Variants in GPHN observed in about 807,000 individuals in gnomAD.
GPHN encodes gephyrin.
Under a neutral mutation model 95.5 loss-of-function variants are expected in GPHN, and 17 were observed. That is an observed-to-expected ratio of 0.18 (90% confidence interval 0.12 to 0.27). The LOEUF (loss-of-function observed/expected upper bound fraction) is 0.27. Ranked by LOEUF, GPHN falls within the 10% of genes least tolerant of loss-of-function variation. GPHN has a pLI of 1.00. For synonymous variants in GPHN, 320 were observed against 322.5 expected (o/e 0.99, Z 0.08); for missense variants, 660 against 978.1 (o/e 0.67, Z 4.34).
chr14:67,237,910 T>C, the GPHN span, among the ~76,000 whole-genome samples: 1 of 152,178 alleles, frequency 6.6e-6, no homozygotes, highest in South Asian at 2.1e-4. Context: ...TTTCATTCTA[T>C]TTTGGGGGGA....
chr14:67,008,571 G>T (rs907023798), intron 9 of GPHN, among the ~76,000 whole-genome samples: 1 of 151,124 alleles, frequency 6.6e-6, no homozygotes, highest in African/African-American at 2.4e-5. Flanking sequence ...TTAAGACAGG[G>T]TTTCTCTCTG....
At chr14:67,135,560 C>T (rs944172692) in intron 17 of GPHN, among the ~76,000 whole-genome samples, 3 of 152,128 alleles carry the variant, frequency 2.0e-5, no homozygotes, top group African/African-American at 7.2e-5. Context: ...AAGTCCAAAG[C>T]CAATATTACT....
intron 3 of GPHN, among the ~76,000 whole-genome samples, chr14:66,818,399 A>G (rs1485856868): frequency 2.0e-5 from 3 of 152,140 alleles, no homozygotes; most frequent in African/African-American, 7.2e-5. Flanking sequence ...AATGGGATCC[A>G]GCTCCATCCG....
intron 1 of GPHN, among the ~76,000 whole-genome samples, chr14:66,569,360 A>C (rs1225726913): frequency 4.6e-5 from 7 of 152,204 alleles, no homozygotes; most frequent in Admixed American, 3.3e-4. Context: ...CACACACACC[A>C]TTGTGCTTTC....
intron 17 of GPHN, among the ~76,000 whole-genome samples, chr14:67,133,749 T>C (rs2079869234): frequency 1.3e-5 from 2 of 152,236 alleles, no homozygotes; most frequent in African/African-American, 2.4e-5. Flanking sequence ...CAGATTTATT[T>C]TGAAACATGC....
chr14:67,680,077 C>T, the GPHN span, among the ~76,000 whole-genome samples: 105 of 152,338 alleles, frequency 6.9e-4, no homozygotes, highest in Middle Eastern at 3.4e-3. Context: ...TCCAGCCCTA[C>T]TCCAGACATA....
At chr14:66,778,108 TA>T (rs1291714309) in intron 3 of GPHN, among the ~76,000 whole-genome samples, 4 of 152,172 alleles carry the variant, frequency 2.6e-5, no homozygotes. Context: ...CTTAAGCTGA[TA>T]AGCAACTTCA....
the GPHN span, among the ~76,000 whole-genome samples, chr14:67,451,590 C>G: frequency 1.3e-5 from 2 of 152,332 alleles, no homozygotes; most frequent in East Asian, 3.9e-4. Flanking sequence ...TTCAGACTTG[C>G]ATGGGGCCTG....
chr14:67,263,099 G>A, the GPHN span, among the ~76,000 whole-genome samples: 7 of 152,110 alleles, frequency 4.6e-5, no homozygotes, highest in Non-Finnish European at 8.8e-5. Context: ...TGCCATGAGC[G>A]TGTGGTCTTG....
At chr14:67,301,239 T>C in the GPHN span, 1 of 467,104 alleles carries the variant, frequency 2.1e-6, no homozygotes, top group Non-Finnish European at 3.8e-6. Flanking sequence ...AATAACAAGA[T>C]TGAAAACTCT....
chr14:66,728,086 T>A (rs1412744132), intron 2 of GPHN, among the ~76,000 whole-genome samples: 2 of 152,118 alleles, frequency 1.3e-5, no homozygotes, highest in African/African-American at 2.4e-5. Context: ...AAGCTTGGGA[T>A]GTGGCTTCAG....
chr14:67,689,498 G>A, the GPHN span, among the ~76,000 whole-genome samples: 1 of 152,096 alleles, frequency 6.6e-6, no homozygotes, highest in African/African-American at 2.4e-5. Flanking sequence ...ACCTGTTTTA[G>A]TCTACTGCCT....
At chr14:67,430,099 C>T in the GPHN span, among the ~76,000 whole-genome samples, 1 of 152,286 alleles carries the variant, frequency 6.6e-6, no homozygotes, top group Non-Finnish European at 1.5e-5. Context: ...GCGAGAGGAG[C>T]CCGAACCTGG....
Position 67,180,748 on chromosome 14 carries a change from C to T in GPHN, c.2177-56C>T, listed in dbSNP as rs936396187. 8.3e-6 allele frequency: 13 copies of T among 1,567,888 alleles called. No individual in the cohort carries two copies. In the African/African-American group the frequency reaches 1.1e-4, roughly 13 times the overall value. On this transcript the variant is annotated intron_variant, in intron 22 of 22. Transcript: ENST00000478722. ...TACATTTTGAAAAGGTCTACAAGGGCCCAACTGTATACGCCATGATGCTTA... is the reference window on the plus strand; with the variant it reads ...TACATTTTGAAAAGGTCTACAAGGGTCCAACTGTATACGCCATGATGCTTA...
chr14:67,388,871 G>C, the GPHN span, among the ~76,000 whole-genome samples: 1 of 151,854 alleles, frequency 6.6e-6, no homozygotes, highest in African/African-American at 2.4e-5. Flanking sequence ...TAGAGGCAGG[G>C]GTTCATCACC....
the GPHN span, among the ~76,000 whole-genome samples, chr14:67,234,112 A>G: frequency 6.6e-6 from 1 of 152,252 alleles, no homozygotes; most frequent in East Asian, 1.9e-4. Flanking sequence ...CAAGCACTGT[A>G]GGAGGTAGCT....
chr14:66,552,175 T>G (rs1010959064), intron 1 of GPHN, among the ~76,000 whole-genome samples: 6 of 152,170 alleles, frequency 3.9e-5, no homozygotes, highest in African/African-American at 1.4e-4. Flanking sequence ...ACTTTCCTGG[T>G]TTTTATTCTG....
At chr14:67,095,598 C>T (rs548406356) in intron 12 of GPHN, among the ~76,000 whole-genome samples, 2,160 of 152,148 alleles carry the variant, frequency 0.014, 54 homozygotes, top group Admixed American at 0.057. Context: ...ACTATGCAGC[C>T]ATAAAAAACG....
intron 4 of GPHN, among the ~76,000 whole-genome samples, chr14:66,879,032 A>G (rs1256254494): frequency 1.3e-5 from 2 of 152,174 alleles, no homozygotes; most frequent in African/African-American, 4.8e-5. Flanking sequence ...CAGCCATAAA[A>G]AAGGATGAGT....
Sources: allele counts gnomAD v4.1 joint callset (sites outside exome capture counted in the v4.1 genomes callset), GRCh38; gene constraint gnomAD v4.1.1; transcripts MANE v1.5; gene names NCBI Gene and HGNC (gene_info 2026-07-23, HGNC 2026-07-21).